Variants in CACNA2D1 observed in about 807,000 individuals in gnomAD.
CACNA2D1 encodes calcium voltage-gated channel auxiliary subunit alpha2delta 1, also known as voltage-dependent calcium channel subunit alpha-2/delta-1.
CACNA2D1 carries 53 observed loss-of-function variants against 171.5 expected under a neutral mutation model. The observed-to-expected ratio is 0.31, with a 90% CI of 0.25 to 0.39. CACNA2D1 has a LOEUF of 0.39. Ranked by LOEUF, CACNA2D1 falls within the 10% of genes least tolerant of loss-of-function variation. The probability of loss-of-function intolerance (pLI) is 1.00; values close to 1 mark genes in which losing one functional copy is unlikely to be tolerated. For synonymous variants in CACNA2D1, 442 were observed against 443.1 expected (o/e 1.00, Z 0.03); for missense variants, 903 against 1,299.8 (o/e 0.69, Z 4.69).
At chr7:82,096,453 A>G (rs1018425140) in intron 6 of CACNA2D1, among the ~76,000 whole-genome samples, 2 of 152,086 alleles carry the variant, frequency 1.3e-5, no homozygotes, top group African/African-American at 4.8e-5. Flanking sequence ...TGGAGATGCC[A>G]TAGAGATTGA....
chr7:82,263,780 A>G (rs908422427), intron 3 of CACNA2D1, among the ~76,000 whole-genome samples: 2 of 152,224 alleles, frequency 1.3e-5, no homozygotes, highest in African/African-American at 4.8e-5. Context: ...AAGCAAAGGT[A>G]TGTTTGATTT....
chr7:81,998,237 A>G (rs1460302044), intron 18 of CACNA2D1, among the ~76,000 whole-genome samples: 1 of 152,032 alleles, frequency 6.6e-6, no homozygotes, highest in Non-Finnish European at 1.5e-5. Context: ...CATAATTGCA[A>G]AATTTTAGAA....
chr7:82,250,257 A>C lies in CACNA2D1; in HGVS notation c.295-79648T>G, dbSNP rs1342428096. Among the ~76,000 whole-genome samples the C allele has an allele frequency of 3.9e-5, 6 of 152,338 alleles. No individual in the cohort carries two copies. The East Asian group carries it at 1.2e-3, about 29-fold the overall frequency. ...GTTTCAAACATAAGAACTTTTGGGG[A>C]ATACATTCAAACCACAGTAGTAAGT... On this transcript the variant is annotated intron_variant, in intron 3 of 38. Coordinates refer to ENST00000356860, the MANE Select transcript of CACNA2D1 (RefSeq NM_000722.4).
At chr7:82,227,162 T>C (rs1022662753) in intron 3 of CACNA2D1, among the ~76,000 whole-genome samples, 2 of 152,148 alleles carry the variant, frequency 1.3e-5, no homozygotes, top group African/African-American at 2.4e-5. Flanking sequence ...TTCCCCACTA[T>C]GTGAGTGAGT....
At chr7:82,182,373 T>C (rs1797216115) in intron 3 of CACNA2D1, among the ~76,000 whole-genome samples, 1 of 152,168 alleles carries the variant, frequency 6.6e-6, no homozygotes, top group Non-Finnish European at 1.5e-5. Context: ...TTGTTGCATA[T>C]AAGGTTCTGT....
intron 1 of CACNA2D1, among the ~76,000 whole-genome samples, chr7:82,419,380 A>C (rs1356772475): frequency 6.6e-6 from 1 of 152,198 alleles, no homozygotes; most frequent in Non-Finnish European, 1.5e-5. Flanking sequence ...CCTTCCTGAT[A>C]TCTACAAAGC....
intron 1 of CACNA2D1, among the ~76,000 whole-genome samples, chr7:82,356,193 T>G (rs533695751): frequency 9.7e-4 from 147 of 152,270 alleles, no homozygotes; most frequent in African/African-American, 3.5e-3. Flanking sequence ...AGGGTTCGTC[T>G]TTCACTGATG....
intron 3 of CACNA2D1, among the ~76,000 whole-genome samples, chr7:82,251,649 G>T (rs1805660421): frequency 6.6e-6 from 1 of 152,164 alleles, no homozygotes; most frequent in Admixed American, 6.5e-5. Flanking sequence ...TTCTAGGTAT[G>T]TAAGTGATTT....
At chr7:82,318,655 C>T (rs1020289723) in intron 3 of CACNA2D1, among the ~76,000 whole-genome samples, 3 of 152,138 alleles carry the variant, frequency 2.0e-5, no homozygotes, top group African/African-American at 7.2e-5. Context: ...TTAAAATAAG[C>T]TACCATTATC....
intron 10 of CACNA2D1, among the ~76,000 whole-genome samples, chr7:82,048,509 T>A (rs1450992143): frequency 3.9e-5 from 6 of 152,182 alleles, no homozygotes; most frequent in Admixed American, 3.9e-4. Context: ...TGTCTTAGCA[T>A]ATTAGTTTTC....
At chr7:82,254,622 T>C (rs1806071087) in intron 3 of CACNA2D1, among the ~76,000 whole-genome samples, 1 of 152,176 alleles carries the variant, frequency 6.6e-6, no homozygotes, top group Non-Finnish European at 1.5e-5. Flanking sequence ...AATAAAAGCA[T>C]TTACATCCCT....
chr7:82,209,540 C>T (rs1281612229), intron 3 of CACNA2D1, among the ~76,000 whole-genome samples: 1 of 152,020 alleles, frequency 6.6e-6, no homozygotes, highest in Non-Finnish European at 1.5e-5. Context: ...TCAATCAAAC[C>T]GCCTCATAAG....
chr7:82,423,785 T>C (rs146510998), intron 1 of CACNA2D1, among the ~76,000 whole-genome samples: 83 of 152,258 alleles, frequency 5.5e-4, no homozygotes, highest in Admixed American at 4.7e-3. Context: ...GTAATTTAGT[T>C]ATGTCCTAAA....
chr7:82,211,173 AGG>A (rs987840162), intron 3 of CACNA2D1, among the ~76,000 whole-genome samples: 35 of 142,830 alleles, frequency 2.5e-4, no homozygotes, highest in African/African-American at 1.0e-3. Flanking sequence ...CCCTTGGGAC[AGG>A]GGGATTCTTT....
intron 1 of CACNA2D1, among the ~76,000 whole-genome samples, chr7:82,393,614 T>C (rs934209128): frequency 1.3e-5 from 2 of 152,122 alleles, no homozygotes; most frequent in Non-Finnish European, 2.9e-5. Flanking sequence ...CTTCCAACAA[T>C]TAAAATCCAC....
chr7:82,358,501 A>G (rs1390641278), intron 1 of CACNA2D1, among the ~76,000 whole-genome samples: 2 of 152,196 alleles, frequency 1.3e-5, no homozygotes, highest in Non-Finnish European at 2.9e-5. Context: ...AGCTGTTTCA[A>G]CTTGTGAAGT....
At position 81,950,209 on chromosome 7, in the gene CACNA2D1, C is replaced by G. The variant is rs1792359806; in HGVS notation, c.*183G>C. ...GCAGCATTCACACACGTTTAAGGAT[C>G]TGACACCCTGACATGCAGCCAGTGG... On this transcript the variant is annotated 3_prime_UTR_variant, in exon 39 of 39. Transcript: ENST00000356860. 3 of 1,007,362 alleles carry G rather than the reference C, an allele frequency of 3.0e-6. No homozygotes were observed. The highest frequency in any genetic ancestry group is 2.9e-6 in the Non-Finnish European group (2 of 685,496). 62.4% of individuals were successfully genotyped at this position (1,007,362 alleles called of 1,614,324 possible).
intron 3 of CACNA2D1, among the ~76,000 whole-genome samples, chr7:82,288,634 C>T (rs1811148613): frequency 6.6e-6 from 1 of 152,128 alleles, no homozygotes; most frequent in Non-Finnish European, 1.5e-5. Flanking sequence ...GCTAATTGAG[C>T]AGGTTTTCTT....
At chr7:81,977,979 T>C (rs1181633417) in intron 24 of CACNA2D1, among the ~76,000 whole-genome samples, 1 of 151,942 alleles carries the variant, frequency 6.6e-6, no homozygotes, top group South Asian at 2.1e-4. Context: ...AACAAACATA[T>C]GAAAAAAAGC....
Sources: gnomAD v4.1 joint callset for allele counts (sites outside exome capture counted in the v4.1 genomes callset) on GRCh38, gnomAD v4.1.1 for gene constraint, MANE v1.5 for transcripts, NCBI Gene and HGNC (gene_info 2026-07-23, HGNC 2026-07-21) for gene names.